PGAP2: variants seen among roughly 807,000 people sequenced by gnomAD.
PGAP2 encodes acyltransferase PGAP2.
Under a neutral mutation model 33.2 loss-of-function variants are expected in PGAP2, and 21 were observed. The ratio of observed to expected loss-of-function variants is 0.63; its 90% CI spans 0.45 to 0.91. PGAP2 has a LOEUF of 0.91. Ranked by LOEUF, PGAP2 falls within the 40% of genes least tolerant of loss-of-function variation. The pLI, the probability that PGAP2 is intolerant of heterozygous loss-of-function variation, is 0.00. For missense variants in PGAP2, 345 were observed against 424.0 expected, an observed-to-expected ratio of 0.81 and a Z score of 1.64; for synonymous variants, 161 against 172.9, an observed-to-expected ratio of 0.93 and a Z score of 0.54.
chr11:3,819,385 G>C (rs2087954565), intron 3 of PGAP2, among the ~76,000 whole-genome samples: 1 of 152,164 alleles, frequency 6.6e-6, no homozygotes. Context: ...GGGGGAACCA[G>C]AGCCAAGATG....
upstream of PGAP2, among the ~76,000 whole-genome samples, chr11:3,803,937 C>G (rs866411339): frequency 1.3e-5 from 2 of 151,862 alleles, no homozygotes. Context: ...ACTTCAGGCG[C>G]GTGCCACCAC....
intron 3 of PGAP2, chr11:3,822,808 C>T: frequency 1.6e-6 from 1 of 621,194 alleles, no homozygotes; most frequent in South Asian, 2.4e-5. Context: ...TTTCCTGTCC[C>T]CATCTAAACC....
chr11:3,823,788 G>A (rs770218419), intron 3 of PGAP2, 95 bp from the exon 4 acceptor site: 93 of 1,598,782 alleles, frequency 5.8e-5, no homozygotes, highest in Non-Finnish European at 7.4e-5. Context: ...AGGGGCTGGA[G>A]CAGAGGCAAG....
intron 3 of PGAP2, among the ~76,000 whole-genome samples, chr11:3,818,192 G>GT (rs1326225822): frequency 6.6e-6 from 1 of 151,756 alleles, no homozygotes; most frequent in Admixed American, 6.6e-5. Flanking sequence ...GTAAAACCCT[G>GT]TCTCTACTAA....
chr11:3,815,424 T>G (rs985880033), intron 2 of PGAP2, among the ~76,000 whole-genome samples: 2 of 152,086 alleles, frequency 1.3e-5, no homozygotes, highest in Non-Finnish European at 2.9e-5. Context: ...TTCTCCTGTC[T>G]CAGCCTCCCG....
At chr11:3,825,196 T>C (rs2089808520) in intron 6 of PGAP2, 68 bp downstream of exon 6, 3 of 1,571,628 alleles carry the variant, frequency 1.9e-6, no homozygotes, top group South Asian at 1.1e-5. Flanking sequence ...TTTTTGATAA[T>C]GGGCAATGGT....
intron 1 of PGAP2, chr11:3,798,014 C>A (rs772780218): frequency 2.7e-5 from 41 of 1,535,002 alleles, no homozygotes; most frequent in Middle Eastern, 1.7e-4. Context: ...TGCCCCGGTC[C>A]GCCGGCGCTG....
At chr11:3,825,270 G>T in intron 6 of PGAP2, 58 bp from the exon 7 acceptor site, 1 of 1,589,206 alleles carries the variant, frequency 6.3e-7, no homozygotes, top group African/African-American at 1.3e-5. Flanking sequence ...TTATCAAGAG[G>T]CCTCTGAGCG....
At chr11:3,808,207 G>GT, upstream of PGAP2, 7 of 1,512,086 alleles carry the variant, frequency 4.6e-6, no homozygotes, top group Non-Finnish European at 6.3e-6. Flanking sequence ...GGATAGTTCG[G>GT]TTAGAATGGA....
chr11:3,798,758 C>T (rs1439405496), intron 1 of PGAP2, among the ~76,000 whole-genome samples: 2 of 151,808 alleles, frequency 1.3e-5, no homozygotes, highest in African/African-American at 2.4e-5. Flanking sequence ...AGTCTCCTGT[C>T]GTAGCCTCCC....
At chr11:3,804,959 T>C (rs1590144150), upstream of PGAP2, among the ~76,000 whole-genome samples, 3 of 152,272 alleles carry the variant, frequency 2.0e-5, no homozygotes, top group East Asian at 5.8e-4. Context: ...ACATCAGCCT[T>C]CCAAAGTGCT....
In PGAP2 at chr11:3,826,200, C is replaced by T. The variant is rs15820; in HGVS notation, c.*742C>T. 31,254 of 152,220 alleles carry T rather than the reference C, an allele frequency of 0.21. 4,007 individuals are homozygous for T. The highest frequency in any genetic ancestry group is 0.37 in the African/African-American group (15,231 of 41,468). 9.4% of individuals were successfully genotyped at this position (152,220 alleles called of 1,614,324 possible). A position where few individuals can be genotyped will look rare whatever the true frequency, so the allele number is the denominator to read the frequency against. ...AAGTTCTGGCTTGTAGACCCCTCCC[C>T]TCCTTTGCAAAGGTATGGGATAGAG... On this transcript the variant is annotated 3_prime_UTR_variant, in exon 7 of 7. Coordinates refer to ENST00000278243, the MANE Select transcript of PGAP2 (RefSeq NM_014489.4).
At chr11:3,804,762 C>T (rs1468677787), upstream of PGAP2, among the ~76,000 whole-genome samples, 3 of 152,054 alleles carry the variant, frequency 2.0e-5, no homozygotes, top group Non-Finnish European at 4.4e-5. Flanking sequence ...AGTGCAGTGG[C>T]GCAATGTTGG....
intron 1 of PGAP2, among the ~76,000 whole-genome samples, chr11:3,801,284 A>C (rs2083404974): frequency 6.6e-6 from 1 of 152,132 alleles, no homozygotes. Context: ...GAATACATTT[A>C]AAGCACTTAG....
chr11:3,821,053 T>G (rs1401022449), intron 3 of PGAP2, among the ~76,000 whole-genome samples: 1 of 152,240 alleles, frequency 6.6e-6, no homozygotes, highest in Non-Finnish European at 1.5e-5. Flanking sequence ...TCTCAAGCTA[T>G]GATATCTCAA....
At chr11:3,809,921 G>T (rs1417729156) in intron 1 of PGAP2, among the ~76,000 whole-genome samples, 3 of 152,216 alleles carry the variant, frequency 2.0e-5, no homozygotes, top group Non-Finnish European at 2.9e-5. Context: ...TGAGATCAGG[G>T]TTCTTTTTGA....
intron 1 of PGAP2, among the ~76,000 whole-genome samples, chr11:3,810,763 A>G (rs2134344065): frequency 6.6e-6 from 1 of 152,312 alleles, no homozygotes; most frequent in East Asian, 1.9e-4. Flanking sequence ...GAAGGGACTG[A>G]AGGTGCAGGA....
chr11:3,817,305 AC>A (rs1266912241), intron 2 of PGAP2, 47 bp from the exon 3 acceptor site: 1 of 1,502,844 alleles, frequency 6.7e-7, no homozygotes, highest in Non-Finnish European at 9.1e-7. Context: ...ACTTTCCCAG[AC>A]CCAGGTGTCC....
chr11:3,811,318 C>T lies in PGAP2; in HGVS notation c.59C>T (p.Thr20Ile). Reference protein sequence around the residue: ...RDGTLVRLRFTMVALVTVCCP... With the variant: ...RDGTLVRLRFIMVALVTVCCP... The stretch of plus-strand genomic sequence containing the variant: ...GGGACCCTGGTACGGCTCCGCTTCA[C>T]CATGGTGGCCCTGGTCACGGTCTGC... The change falls in exon 2 of 7, where the codon ACC (threonine) becomes ATC (isoleucine). Residue 20 changes from threonine to isoleucine, a missense_variant. Coordinates refer to ENST00000278243, the MANE Select transcript of PGAP2 (RefSeq NM_014489.4). This position sits in a 1 kb window ranked among gnomAD's most constrained non-coding sequence, Gnocchi z 4.6. 6.2e-7 allele frequency: 1 copy of T among 1,614,114 alleles called. No individual in the cohort carries two copies. The highest frequency in any genetic ancestry group is 1.7e-5 in the Admixed American group (1 of 60,018).
Sources: allele counts gnomAD v4.1 joint callset (sites outside exome capture counted in the v4.1 genomes callset), GRCh38; gene constraint gnomAD v4.1.1; non-coding constraint Gnocchi (gnomAD v3.1); transcripts MANE v1.5; gene names NCBI Gene and HGNC (gene_info 2026-07-23, HGNC 2026-07-21).